The following PCCA variants were observed in gnomAD, a reference collection of about 807,000 sequenced individuals.
PCCA encodes the protein propionyl-CoA carboxylase subunit alpha, also known as propionyl-CoA carboxylase alpha chain, mitochondrial.
In PCCA, 74 loss-of-function variants were observed where a neutral mutation model predicts 101.3. The observed-to-expected ratio is 0.73, with a 90% CI of 0.61 to 0.89. PCCA has a LOEUF of 0.89. Among genes scored for constraint, PCCA ranks in the 40% least tolerant of loss-of-function variants. The probability of loss-of-function intolerance (pLI) is 0.00; values close to 1 mark genes in which losing one functional copy is unlikely to be tolerated. For missense variants in PCCA, 891 were observed against 907.0 expected (o/e 0.98, Z 0.23); for synonymous variants, 294 against 313.6 (o/e 0.94, Z 0.66).
chr13:100,107,618 A>T (rs971198976), intron 2 of PCCA, among the ~76,000 whole-genome samples: 1 of 152,180 alleles, frequency 6.6e-6, no homozygotes, highest in Non-Finnish European at 1.5e-5. Flanking sequence ...GATATTTCTG[A>T]CATGAATACC....
rs545844508 is a variant in PCCA, at chr13:100,124,303, C to G, written c.300+12242C>G. On this transcript the variant is annotated intron_variant, in intron 4 of 23. Transcript: ENST00000376285. Reference sequence around the variant, plus strand: ...CGTTCCTAAATTGAACCTATCTATACATATTTTGTTGCTTTGTCTGTGTAC... The same window carrying G: ...CGTTCCTAAATTGAACCTATCTATAGATATTTTGTTGCTTTGTCTGTGTAC... Among the ~76,000 whole-genome samples the G allele has an allele frequency of 3.8e-4, 58 of 152,226 alleles. No individual in the cohort carries two copies. The Middle Eastern group carries it at 0.01, about 27-fold the overall frequency.
intron 19 of PCCA, among the ~76,000 whole-genome samples, chr13:100,423,101 C>T (rs550611967): frequency 3.8e-4 from 58 of 151,768 alleles, no homozygotes; most frequent in African/African-American, 1.2e-3. Context: ...GTAGGTGAAG[C>T]AGGCTACAGC....
At chr13:100,179,320 C>G (rs978293868) in intron 6 of PCCA, among the ~76,000 whole-genome samples, 1 of 152,020 alleles carries the variant, frequency 6.6e-6, no homozygotes, top group Non-Finnish European at 1.5e-5. Flanking sequence ...TGCCACCCTT[C>G]ATGCCTGCTG....
chr13:100,525,536 C>A (rs1003039757), intron 22 of PCCA, among the ~76,000 whole-genome samples: 35 of 152,238 alleles, frequency 2.3e-4, no homozygotes, highest in Non-Finnish European at 2.9e-5. Context: ...CTGGCCTTTG[C>A]CCCTAGCGTG....
chr13:100,351,642 A>T (rs189394468), intron 18 of PCCA, among the ~76,000 whole-genome samples: 1 of 152,198 alleles, frequency 6.6e-6, no homozygotes, highest in Non-Finnish European at 1.5e-5. Flanking sequence ...CATCTTTTCT[A>T]GGAGACCAGT....
intron 21 of PCCA, among the ~76,000 whole-genome samples, chr13:100,455,881 G>A (rs1349083749): frequency 6.6e-6 from 1 of 152,032 alleles, no homozygotes; most frequent in Non-Finnish European, 1.5e-5. Flanking sequence ...TCTATTTTTA[G>A]TAGAGATGGG....
At chr13:100,195,893 G>C (rs1185673870) in intron 6 of PCCA, among the ~76,000 whole-genome samples, 1 of 152,088 alleles carries the variant, frequency 6.6e-6, no homozygotes, top group Non-Finnish European at 1.5e-5. Flanking sequence ...AGAATGTGAG[G>C]CTTACCCACC....
chr13:100,209,106 A>G (rs2059048179), intron 6 of PCCA, among the ~76,000 whole-genome samples: 1 of 152,142 alleles, frequency 6.6e-6, no homozygotes, highest in Admixed American at 6.5e-5. Context: ...ACCCAGAAGG[A>G]GTTCTTCAGT....
At chr13:100,165,317 C>G (rs896402579) in intron 6 of PCCA, among the ~76,000 whole-genome samples, 1 of 152,156 alleles carries the variant, frequency 6.6e-6, no homozygotes, top group African/African-American at 2.4e-5. Context: ...ACCACCAAAT[C>G]ATGCCTTTCC....
intron 4 of PCCA, among the ~76,000 whole-genome samples, chr13:100,140,065 C>T (rs2051679514): frequency 6.6e-6 from 1 of 152,144 alleles, no homozygotes; most frequent in Admixed American, 6.5e-5. Context: ...ACATGCCCAA[C>T]CTAGGGATGA....
At chr13:100,298,969 T>C (rs180975247) in intron 12 of PCCA, among the ~76,000 whole-genome samples, 2 of 152,088 alleles carry the variant, frequency 1.3e-5, no homozygotes, top group African/African-American at 4.8e-5. Flanking sequence ...TAGAAGGATT[T>C]CTTTCAAAAA....
At position 100,414,622 on chromosome 13, in the gene PCCA, T is replaced by C. The variant is rs571088528; in HGVS notation, c.1747-11011T>C. Among the ~76,000 whole-genome samples the C allele has an allele frequency of 3.9e-5, 6 of 152,330 alleles. No homozygotes were observed. In the East Asian group the frequency reaches 1.2e-3, roughly 29 times the overall value. The stretch of plus-strand genomic sequence containing the variant: ...GTGCTTATTGTCAGCATCTTGGCTT[T>C]TTAGAATTTTAAAGTATGTTTGTGC... On this transcript the variant is annotated intron_variant, in intron 19 of 23. Coordinates refer to ENST00000376285, the MANE Select transcript of PCCA (RefSeq NM_000282.4).
intron 21 of PCCA, among the ~76,000 whole-genome samples, chr13:100,493,976 G>A (rs1490514284): frequency 2.6e-5 from 4 of 151,750 alleles, no homozygotes; most frequent in African/African-American, 9.7e-5. Flanking sequence ...AGATTACGAG[G>A]TCAGGAGCTG....
At chr13:100,302,900 G>A (rs747752797) in intron 13 of PCCA, 24 bp from the exon 14 acceptor site, 2 of 1,346,406 alleles carry the variant, frequency 1.5e-6, no homozygotes, top group South Asian at 1.2e-5. Context: ...CAAAGACTGT[G>A]CTTCCTTTCC....
chr13:100,101,199 T>C (rs1219593818), intron 1 of PCCA, among the ~76,000 whole-genome samples: 1 of 152,212 alleles, frequency 6.6e-6, no homozygotes, highest in African/African-American at 2.4e-5. Context: ...GCAAGCTCTG[T>C]GGAACAATAT....
At chr13:100,372,531 G>A in intron 19 of PCCA, among the ~76,000 whole-genome samples, 1 of 152,118 alleles carries the variant, frequency 6.6e-6, no homozygotes, top group Non-Finnish European at 1.5e-5. Context: ...TATTTTCCCA[G>A]AATTTTCATC....
intron 6 of PCCA, among the ~76,000 whole-genome samples, chr13:100,186,290 G>A (rs912287439): frequency 6.6e-6 from 1 of 152,094 alleles, no homozygotes; most frequent in Admixed American, 6.6e-5. Context: ...TTGTGTATCT[G>A]TACAAATATA....
chr13:100,278,474 C>T (rs2063820788), intron 12 of PCCA, among the ~76,000 whole-genome samples: 1 of 147,538 alleles, frequency 6.8e-6, no homozygotes, highest in Non-Finnish European at 1.5e-5. Context: ...TGGTATAAAA[C>T]CCGATAGTTG....
At chr13:100,097,798 G>A (rs754600845) in intron 1 of PCCA, among the ~76,000 whole-genome samples, 2 of 152,118 alleles carry the variant, frequency 1.3e-5, no homozygotes, top group Non-Finnish European at 2.9e-5. Context: ...GATCACTTGA[G>A]GCCAGCAGTT....
Sources: allele counts gnomAD v4.1 joint callset (sites outside exome capture counted in the v4.1 genomes callset), GRCh38; gene constraint gnomAD v4.1.1; transcripts MANE v1.5; gene names NCBI Gene and HGNC (gene_info 2026-07-23, HGNC 2026-07-21).